Variants in CYP7B1 observed in about 807,000 individuals in gnomAD.
CYP7B1 encodes cytochrome P450 family 7 subfamily B member 1, also known as cytochrome P450 7B1.
Under a neutral mutation model 42.7 loss-of-function variants are expected in CYP7B1, and 29 were observed. That is an observed-to-expected ratio of 0.68 (90% CI 0.51 to 0.93). The LOEUF (loss-of-function observed/expected upper bound fraction) is 0.93, where lower values mean the gene tolerates loss of function less well. CYP7B1 is among the 40% of genes least tolerant of loss of function. The probability of loss-of-function intolerance (pLI) is 0.00; values close to 1 mark genes in which losing one functional copy is unlikely to be tolerated. For synonymous variants in CYP7B1, 235 were observed against 218.2 expected, an observed-to-expected ratio of 1.08 and a Z score of -0.68; for missense variants, 655 against 600.5, an observed-to-expected ratio of 1.09 and a Z score of -0.95.
Position 64,596,870 on chromosome 8 carries a change from T to C in CYP7B1, c.1293A>G (p.Arg431=). Residue 431 remains arginine (R), a synonymous_variant, in exon 6 of 6, where the codon AGA becomes AGG. Transcript: ENST00000310193. ...TTAGGTAACACTTCAGCTTTTTCCC[T>C]CTTTTGAAAAAGGTGGTTTTCTTCT... is the stretch of plus-strand genomic sequence containing the variant. ...DGKKKTTFFK[R]GKKLKCYLMP... is the part of the protein sequence containing the mutation. The C allele has an allele frequency of 6.2e-7, 1 of 1,613,758 alleles. No individual in the cohort carries two copies. The highest frequency in any genetic ancestry group is 1.1e-5 in the South Asian group (1 of 90,990).
At chr8:64,658,717 T>A (rs1329441822) in intron 1 of CYP7B1, among the ~76,000 whole-genome samples, 1 of 152,198 alleles carries the variant, frequency 6.6e-6, no homozygotes, top group Non-Finnish European at 1.5e-5. Context: ...TTCACTAAGC[T>A]CCTCTGGCTG....
chr8:64,656,919 A>T (rs1392421634), intron 1 of CYP7B1, among the ~76,000 whole-genome samples: 1 of 152,162 alleles, frequency 6.6e-6, no homozygotes, highest in Non-Finnish European at 1.5e-5. Flanking sequence ...ACAAAACCCA[A>T]ACAGTGATAA....
At position 64,699,002 on chromosome 8, in the gene CYP7B1, C is replaced by A. The variant is rs112785906; in HGVS notation, c.123-74463G>T. The stretch of plus-strand genomic sequence containing the variant: ...GTTCTGACAGAATTTTAAATTTCAG[C>A]CATCATACAATGCTGCAACACAGTA... On this transcript the variant is annotated intron_variant, in intron 1 of 5. Transcript: ENST00000310193. Among the ~76,000 whole-genome samples the A allele has an allele frequency of 2.2e-4, 34 of 152,186 alleles. 2 individuals are homozygous for A. The highest frequency in any genetic ancestry group is 8.2e-4 in the African/African-American group (34 of 41,534).
chr8:64,661,110 G>A (rs1390023623), intron 1 of CYP7B1, among the ~76,000 whole-genome samples: 2 of 152,176 alleles, frequency 1.3e-5, no homozygotes, highest in African/African-American at 2.4e-5. Context: ...GCAAATCATG[G>A]TGGCCTTAAA....
chr8:64,721,229 T>C (rs987981813), intron 1 of CYP7B1, among the ~76,000 whole-genome samples: 3 of 152,078 alleles, frequency 2.0e-5, no homozygotes, highest in African/African-American at 7.2e-5. Flanking sequence ...TTTGTCGAAA[T>C]TACAAACAAT....
chr8:64,776,991 C>CT (rs771715229), intron 1 of CYP7B1, among the ~76,000 whole-genome samples: 2 of 151,972 alleles, frequency 1.3e-5, no homozygotes, highest in Non-Finnish European at 2.9e-5. Flanking sequence ...TCCTTTGGGT[C>CT]TTTATTTCTG....
At chr8:64,708,401 T>C (rs1002860222) in intron 1 of CYP7B1, among the ~76,000 whole-genome samples, 1 of 152,184 alleles carries the variant, frequency 6.6e-6, no homozygotes, top group Admixed American at 6.6e-5. Context: ...TCTTTGACAC[T>C]TTGCAAAACT....
At chr8:64,640,645 C>A (rs1453211298) in intron 1 of CYP7B1, among the ~76,000 whole-genome samples, 6 of 152,070 alleles carry the variant, frequency 3.9e-5, no homozygotes, top group Non-Finnish European at 7.4e-5. Context: ...TCACCTAGCT[C>A]ACTGTGTGCT....
intron 1 of CYP7B1, among the ~76,000 whole-genome samples, chr8:64,652,090 T>C (rs997776769): frequency 2.0e-5 from 3 of 152,202 alleles, no homozygotes; most frequent in African/African-American, 7.2e-5. Flanking sequence ...AGAAATCTAA[T>C]GGCTTACAAA....
chr8:64,688,823 A>T (rs186064431), intron 1 of CYP7B1, among the ~76,000 whole-genome samples: 181 of 152,306 alleles, frequency 1.2e-3, no homozygotes, highest in African/African-American at 4.3e-3. Context: ...GCTACTCAGG[A>T]GACTGAGGTG....
chr8:64,593,165 C>T lies in CYP7B1; in HGVS notation c.*3477G>A, dbSNP rs964628017. ...GGAACTTCCACTTTAGGCAACATGG[C>T]GAACTAGACGTCCAAGTACGAAAAG... On this transcript the variant is annotated 3_prime_UTR_variant, in exon 6 of 6. Coordinates refer to ENST00000310193, the MANE Select transcript of CYP7B1 (RefSeq NM_004820.5). Among the ~76,000 whole-genome samples, 2 of 151,126 alleles carry T rather than the reference C, an allele frequency of 1.3e-5. No homozygotes were observed. Among genetic ancestry groups the T allele is most frequent in the African/African-American group, 2.4e-5 (1 of 41,076 alleles).
chr8:64,618,123 T>C (rs967888003), intron 2 of CYP7B1, among the ~76,000 whole-genome samples: 1 of 151,168 alleles, frequency 6.6e-6, no homozygotes, highest in Non-Finnish European at 1.5e-5. Context: ...AATTTAGGCA[T>C]ATTTTATGAC....
At chr8:64,636,825 G>C (rs1805781169) in intron 1 of CYP7B1, among the ~76,000 whole-genome samples, 1 of 152,124 alleles carries the variant, frequency 6.6e-6, no homozygotes, top group African/African-American at 2.4e-5. Flanking sequence ...TCTGAAAGGG[G>C]GAAGTCGATT....
intron 1 of CYP7B1, among the ~76,000 whole-genome samples, chr8:64,757,653 G>A (rs1463531634): frequency 6.6e-6 from 1 of 152,174 alleles, no homozygotes; most frequent in Non-Finnish European, 1.5e-5. Flanking sequence ...TTCAGCACAG[G>A]CTTTTACCAG....
intron 1 of CYP7B1, among the ~76,000 whole-genome samples, chr8:64,712,302 T>C (rs976139400): frequency 1.3e-5 from 2 of 151,964 alleles, no homozygotes; most frequent in African/African-American, 4.8e-5. Context: ...ACAAAACACT[T>C]TACTGGAACT....
At chr8:64,782,880 CTCTA>C (rs1413273078) in intron 1 of CYP7B1, among the ~76,000 whole-genome samples, 9 of 152,100 alleles carry the variant, frequency 5.9e-5, no homozygotes, top group Non-Finnish European at 1.2e-4. Flanking sequence ...TGAGAATGTT[CTCTA>C]TCTTAGGACC....
chr8:64,701,319 C>G (rs1006496258), intron 1 of CYP7B1, among the ~76,000 whole-genome samples: 1 of 152,118 alleles, frequency 6.6e-6, no homozygotes, highest in African/African-American at 2.4e-5. Context: ...TAAGATCATG[C>G]CCGTAATGCA....
chr8:64,602,126 C>T (rs1366887797), intron 5 of CYP7B1, among the ~76,000 whole-genome samples: 1 of 152,184 alleles, frequency 6.6e-6, no homozygotes, highest in East Asian at 1.9e-4. Flanking sequence ...ATGGGAATGA[C>T]ATAGTCCTTC....
intron 1 of CYP7B1, among the ~76,000 whole-genome samples, chr8:64,786,283 T>G (rs1804524818): frequency 6.6e-6 from 1 of 152,194 alleles, no homozygotes; most frequent in Admixed American, 6.5e-5. Flanking sequence ...AAGTCTCATC[T>G]GAGACAAGGC....
Sources: allele counts gnomAD v4.1 joint callset (sites outside exome capture counted in the v4.1 genomes callset), GRCh38; gene constraint gnomAD v4.1.1; transcripts MANE v1.5; gene names NCBI Gene and HGNC (gene_info 2026-07-23, HGNC 2026-07-21).